MAP2: variants seen among roughly 807,000 people sequenced by gnomAD.
MAP2 encodes microtubule associated protein 2.
Under a neutral mutation model 137.6 loss-of-function variants are expected in MAP2, and 14 were observed. The observed-to-expected ratio is 0.10, with a 90% CI of 0.07 to 0.16. MAP2 has a LOEUF of 0.16. MAP2 is among the 10% of genes least tolerant of loss of function. MAP2 has a pLI of 1.00. For missense variants in MAP2, 2,088 were observed against 2,191.5 expected (o/e 0.95, Z 0.94); for synonymous variants, 786 against 782.3 (o/e 1.00, Z -0.08).
intron 3 of MAP2, among the ~76,000 whole-genome samples, chr2:209,610,062 C>T (rs1173618555): frequency 6.6e-6 from 1 of 151,974 alleles, no homozygotes; most frequent in African/African-American, 2.4e-5. Flanking sequence ...TAAATAAACA[C>T]AAAATTAGAA....
At chr2:209,686,994 G>C (rs932887587) in intron 7 of MAP2, among the ~76,000 whole-genome samples, 5 of 151,784 alleles carry the variant, frequency 3.3e-5, no homozygotes, top group Admixed American at 6.6e-5. Context: ...TATACTTTTA[G>C]TGTCCTGCAA....
chr2:209,670,083 A>G (rs2048133694), intron 5 of MAP2, among the ~76,000 whole-genome samples: 1 of 151,966 alleles, frequency 6.6e-6, no homozygotes, highest in African/African-American at 2.4e-5. Context: ...TTCCAAAAGT[A>G]CTGTCAATTC....
chr2:209,671,711 C>A (rs1463288303), intron 5 of MAP2, among the ~76,000 whole-genome samples: 2 of 151,902 alleles, frequency 1.3e-5, no homozygotes, highest in African/African-American at 4.8e-5. Context: ...CAGGCACTGT[C>A]TCTTACTTTT....
rs1420568952 is a variant in MAP2, at chr2:209,733,274, T to C, written c.*2877T>C. ...AGGAAAGACCCGAGTTCATGATGAGTTTCAAAGGCCACGTTCATTTAGGAA... is the reference window on the plus strand; with the variant it reads ...AGGAAAGACCCGAGTTCATGATGAGCTTCAAAGGCCACGTTCATTTAGGAA... On this transcript the variant is annotated 3_prime_UTR_variant, in exon 16 of 16. Coordinates refer to ENST00000682079, the MANE Select transcript of MAP2 (RefSeq NM_001375505.1). 2.6e-5 allele frequency: 4 copies of C among 152,224 alleles called. No homozygotes were observed. Among genetic ancestry groups the C allele is most frequent in the Non-Finnish European group, 5.9e-5 (4 of 67,972 alleles). 9.4% of individuals were successfully genotyped at this position (152,224 alleles called of 1,614,324 possible). A position where few individuals can be genotyped will look rare whatever the true frequency, so the allele number is the denominator to read the frequency against.
intron 3 of MAP2, among the ~76,000 whole-genome samples, chr2:209,619,729 TATTTA>T: frequency 6.6e-6 from 1 of 152,280 alleles, no homozygotes; most frequent in East Asian, 1.9e-4. Flanking sequence ...CAGGCATTGT[TATTTA>T]TTTTCAACCT....
At chr2:209,452,060 T>G (rs1267337956) in intron 1 of MAP2, among the ~76,000 whole-genome samples, 1 of 152,228 alleles carries the variant, frequency 6.6e-6, no homozygotes, top group Non-Finnish European at 1.5e-5. Flanking sequence ...CAAGTTCATG[T>G]AGAACTAATT....
At chr2:209,689,431 A>T (rs2058180315) in intron 7 of MAP2, among the ~76,000 whole-genome samples, 1 of 152,142 alleles carries the variant, frequency 6.6e-6, no homozygotes, top group Non-Finnish European at 1.5e-5. Flanking sequence ...ATTATTTCAT[A>T]AGAATTTTGT....
intron 2 of MAP2, among the ~76,000 whole-genome samples, chr2:209,570,475 G>T (rs755899833): frequency 5.9e-5 from 9 of 151,808 alleles, no homozygotes; most frequent in Non-Finnish European, 1.3e-4. Context: ...ATAAAATAAT[G>T]TACTCAAAAA....
chr2:209,453,033 A>C (rs1009792371), intron 1 of MAP2, among the ~76,000 whole-genome samples: 47 of 151,962 alleles, frequency 3.1e-4, no homozygotes, highest in African/African-American at 1.1e-3. Flanking sequence ...CTGCAATTTT[A>C]TTTCTTTCTG....
intron 4 of MAP2, among the ~76,000 whole-genome samples, chr2:209,652,854 T>C (rs1011219516): frequency 1.3e-5 from 2 of 152,142 alleles, no homozygotes; most frequent in African/African-American, 4.8e-5. Context: ...TTTTTCATTG[T>C]TGTTTGGTTT....
chr2:209,527,488 G>C (rs1402001149), intron 2 of MAP2, among the ~76,000 whole-genome samples: 1 of 152,028 alleles, frequency 6.6e-6, no homozygotes, highest in Non-Finnish European at 1.5e-5. Flanking sequence ...CCTCGCAGCC[G>C]TGTACTCCGC....
intron 1 of MAP2, among the ~76,000 whole-genome samples, chr2:209,502,301 G>A (rs149453232): frequency 0.012 from 1,762 of 152,172 alleles, 37 homozygotes; most frequent in African/African-American, 0.041. Context: ...GCTTCTATGA[G>A]TTCAGCTTTT....
chr2:209,662,032 T>C (rs1167862768), intron 5 of MAP2, among the ~76,000 whole-genome samples: 1 of 152,216 alleles, frequency 6.6e-6, no homozygotes, highest in Non-Finnish European at 1.5e-5. Flanking sequence ...GATGAGATTT[T>C]CTTAAGACGG....
At chr2:209,599,427 A>G (rs2082341743) in intron 3 of MAP2, among the ~76,000 whole-genome samples, 1 of 152,088 alleles carries the variant, frequency 6.6e-6, no homozygotes, top group African/African-American at 2.4e-5. Context: ...CCACTCATCA[A>G]AATCCCATCC....
intron 5 of MAP2, among the ~76,000 whole-genome samples, chr2:209,665,668 A>G (rs1428036601): frequency 6.6e-6 from 1 of 152,098 alleles, no homozygotes; most frequent in African/African-American, 2.4e-5. Flanking sequence ...TATTTTCTCT[A>G]TTTCATCTTT....
At chr2:209,575,124 T>C (rs1249370248) in intron 2 of MAP2, among the ~76,000 whole-genome samples, 3 of 152,174 alleles carry the variant, frequency 2.0e-5, no homozygotes, top group African/African-American at 7.2e-5. Flanking sequence ...GATAGCCCCA[T>C]GCTAGGTACT....
At chr2:209,607,780 T>C (rs1026465091) in intron 3 of MAP2, among the ~76,000 whole-genome samples, 1 of 152,166 alleles carries the variant, frequency 6.6e-6, no homozygotes, top group Non-Finnish European at 1.5e-5. Flanking sequence ...GTGTGCACTA[T>C]TGCTGGATCC....
At chr2:209,467,761 A>C (rs1048962265) in intron 1 of MAP2, among the ~76,000 whole-genome samples, 2 of 152,204 alleles carry the variant, frequency 1.3e-5, no homozygotes, top group Non-Finnish European at 2.9e-5. Context: ...GCCAGGGCTC[A>C]ATCTCTCTTC....
At chr2:209,441,256 G>T (rs1364000931) in intron 1 of MAP2, among the ~76,000 whole-genome samples, 1 of 151,426 alleles carries the variant, frequency 6.6e-6, no homozygotes, top group Non-Finnish European at 1.5e-5. Flanking sequence ...AAAATAATTT[G>T]CAATAGAAAG....
Sources: gnomAD v4.1 joint callset for allele counts (sites outside exome capture counted in the v4.1 genomes callset) on GRCh38, gnomAD v4.1.1 for gene constraint, MANE v1.5 for transcripts, NCBI Gene and HGNC (gene_info 2026-07-23, HGNC 2026-07-21) for gene names.